ASB14: variants seen among roughly 807,000 people sequenced by gnomAD.
ASB14 encodes ankyrin repeat and SOCS box containing 14.
In ASB14, 63 loss-of-function variants were observed where a neutral mutation model predicts 55.6. The observed-to-expected ratio is 1.13, with a 90% CI of 0.92 to 1.40. ASB14 has a LOEUF of 1.40. Among genes scored for constraint, ASB14 ranks in the 40% most tolerant of loss-of-function variants. ASB14 has a pLI of 0.00. For synonymous variants in ASB14, 256 were observed against 259.9 expected (o/e 0.98, Z 0.15); for missense variants, 724 against 710.4 (o/e 1.02, Z -0.22).
In ASB14 at chr3:57,291,855, A is replaced by G. The variant is rs1004976092; in HGVS notation, c.122+57T>C. 5 of 1,412,254 alleles carry G rather than the reference A, an allele frequency of 3.5e-6. No individual in the cohort carries two copies. The African/African-American group carries it at 7.1e-5, about 20-fold the overall frequency. 87.5% of individuals were successfully genotyped at this position (1,412,254 alleles called of 1,614,324 possible). ...CAACACTAGAGTTAAGCTAATGACA[A>G]GTGTCAGCTGTTGAATACAACACTT... is the stretch of plus-strand genomic sequence containing the variant. On this transcript the variant is annotated intron_variant, in intron 2 of 10. Transcript: ENST00000487349.
At chr3:57,273,339 G>C (rs1238993157) in intron 10 of ASB14, 6 of 152,632 alleles carry the variant, frequency 3.9e-5, no homozygotes, top group African/African-American at 1.4e-4. Flanking sequence ...TGGTATACAT[G>C]TGGGGTGGAG....
At position 57,289,687 on chromosome 3, in the gene ASB14, CTTTTTT is replaced by C. The variant is rs34419265; in HGVS notation, c.123-570_123-565del. Among the ~76,000 whole-genome samples the C allele has an allele frequency of 4.0e-5, 4 of 100,290 alleles. No homozygotes were observed. The East Asian group carries it at 1.1e-3, about 28-fold the overall frequency. 65.8% of individuals were successfully genotyped at this position (100,290 alleles called of 152,430 possible). On this transcript the variant is annotated intron_variant, in intron 2 of 10. Coordinates refer to ENST00000487349, the MANE Select transcript of ASB14 (RefSeq NM_001142733.3). The stretch of plus-strand genomic sequence containing the variant: ...CAAATAAGGATTGTCACCTTCCATT[CTTTTTT>C]TTTTTTTTTTTTTTTTTGAGATGGA...
At chr3:57,276,105 G>A (rs552211769) in intron 10 of ASB14, among the ~76,000 whole-genome samples, 4 of 152,060 alleles carry the variant, frequency 2.6e-5, no homozygotes, top group Admixed American at 2.0e-4. Context: ...GAGTTATCTT[G>A]ACTTGTCAGA....
intron 5 of ASB14, 51 bp from the exon 6 acceptor site, chr3:57,283,490 A>C: frequency 2.0e-6 from 3 of 1,507,392 alleles, no homozygotes; most frequent in Admixed American, 2.0e-5. Context: ...TTAAGCCCAA[A>C]GTAGCATATC....
At position 57,277,838 on chromosome 3, in the gene ASB14, A is replaced by C; in HGVS notation, c.1514T>G (p.Val505Gly). 4 of 1,613,842 alleles carry C rather than the reference A, an allele frequency of 2.5e-6. No individual in the cohort carries two copies. Among genetic ancestry groups the C allele is most frequent in the Non-Finnish European group, 3.4e-6 (4 of 1,179,758 alleles). ...AGCTTTCAACTTTGAACAGATCCGA[A>C]CTTGATCAACATAATCAAGCATCAC... is the stretch of plus-strand genomic sequence containing the variant. ...VRVMLDYVDQVRICSKLKAVL... is the reference protein window; with the variant it reads ...VRVMLDYVDQGRICSKLKAVL... The change falls in exon 9 of 11, where the codon GTT becomes GGT. Residue 505 changes from valine (V) to glycine (G), a missense_variant. Physicochemically the swap from Val to Gly is moderately radical, Grantham distance 109 (BLOSUM62 -3). Transcript: ENST00000487349.
At chr3:57,288,754 G>T (rs1016257082) in intron 3 of ASB14, among the ~76,000 whole-genome samples, 12 of 117,998 alleles carry the variant, frequency 1.0e-4, no homozygotes, top group African/African-American at 1.3e-4. Context: ...TCGCTCTGTT[G>T]CCCAGACTGG....
chr3:57,288,338 A>C (rs181655469), intron 3 of ASB14, 52 bp from the exon 4 acceptor site: 138 of 1,518,212 alleles, frequency 9.1e-5, no homozygotes, highest in Non-Finnish European at 8.0e-6. Context: ...CTTACAAGGA[A>C]GCCCATATTG....
chr3:57,284,090 G>A (rs1003029903), intron 5 of ASB14, among the ~76,000 whole-genome samples: 12 of 107,936 alleles, frequency 1.1e-4, no homozygotes, highest in African/African-American at 4.0e-4. Context: ...TGGGAACACT[G>A]TGTATGTGTG....
At chr3:57,272,175 A>G (rs912442976) in intron 10 of ASB14, 8 of 152,370 alleles carry the variant, frequency 5.3e-5, no homozygotes, top group Middle Eastern at 3.4e-3. Context: ...TACTTCTACA[A>G]TGCATTCTGT....
At chr3:57,291,057 C>A (rs1431635907) in intron 2 of ASB14, among the ~76,000 whole-genome samples, 1 of 152,060 alleles carries the variant, frequency 6.6e-6, no homozygotes, top group Non-Finnish European at 1.5e-5. Context: ...TAGGACCTAC[C>A]TCATAGAGAG....
chr3:57,283,163 G>C (rs2061051958), intron 6 of ASB14, 31 bp downstream of exon 6: 1 of 1,550,976 alleles, frequency 6.4e-7, no homozygotes, highest in Non-Finnish European at 8.7e-7. Flanking sequence ...GTTACCCTTT[G>C]TTAGTGTGCT....
chr3:57,274,651 C>T (rs1466578233), intron 10 of ASB14, among the ~76,000 whole-genome samples: 1 of 152,210 alleles, frequency 6.6e-6, no homozygotes, highest in African/African-American at 2.4e-5. Context: ...TGCACCACCA[C>T]ACTCCAGCCT....
chr3:57,288,221 C>T lies in ASB14; in HGVS notation c.244G>A (p.Gly82Ser), dbSNP rs763375126. 47 of 1,536,478 alleles carry T rather than the reference C, an allele frequency of 3.1e-5. 1 individual carries two copies. Among genetic ancestry groups the T allele is most frequent in the Admixed American group, 5.9e-5 (3 of 50,980 alleles). ...GCAGCCTTATGCAGAGGAATCCAGC[C>T]TATCTCATCTGCTTCACCAAATGCG... ...HSAFGEADEI[G>S]WIPLHKAAVQ... Residue 82 changes from glycine (G) to serine (S), a missense_variant, in exon 4 of 11, where the codon GGC becomes AGC. Transcript: ENST00000487349.
chr3:57,274,558 A>T (rs1299853468), intron 10 of ASB14, among the ~76,000 whole-genome samples: 5 of 151,812 alleles, frequency 3.3e-5, no homozygotes, highest in Non-Finnish European at 5.9e-5. Flanking sequence ...GTGGTGGCAC[A>T]CTCTTGTGAT....
At chr3:57,275,552 A>G (rs1047147975) in intron 10 of ASB14, among the ~76,000 whole-genome samples, 1 of 151,996 alleles carries the variant, frequency 6.6e-6, no homozygotes, top group African/African-American at 2.4e-5. Context: ...GAAGTCTCTC[A>G]CCATCCTGCC....
At chr3:57,280,998 G>C (rs965102948) in intron 6 of ASB14, among the ~76,000 whole-genome samples, 1 of 152,176 alleles carries the variant, frequency 6.6e-6, no homozygotes, top group African/African-American at 2.4e-5. Context: ...AGTTGTTGTA[G>C]TTATTAGTAC....
Position 57,276,535 on chromosome 3 carries a change from A to G in ASB14, c.*15T>C. ...ACAGCTGCAAAATTATACCTTTTCC[A>G]TTAGAATGGTTTGATTACCAGGTTC... On this transcript the variant is annotated 3_prime_UTR_variant, in exon 10 of 11. Coordinates refer to ENST00000487349, the MANE Select transcript of ASB14 (RefSeq NM_001142733.3). 3.8e-6 allele frequency: 6 copies of G among 1,590,094 alleles called. No individual in the cohort carries two copies. Among genetic ancestry groups the G allele is most frequent in the Non-Finnish European group, 5.2e-6 (6 of 1,163,832 alleles).
chr3:57,290,269 T>G (rs540958404), intron 2 of ASB14, among the ~76,000 whole-genome samples: 1 of 152,310 alleles, frequency 6.6e-6, no homozygotes, highest in African/African-American at 2.4e-5. Flanking sequence ...ATCTCTGCCT[T>G]TTCTAGCTTC....
At chr3:57,280,264 CTG>C in intron 7 of ASB14, 36 bp downstream of exon 7, 1 of 1,320,014 alleles carries the variant, frequency 7.6e-7, no homozygotes, top group Non-Finnish European at 1.0e-6. Context: ...GTAGCTATTA[CTG>C]TTTTTATTAT....
Sources: gnomAD v4.1 joint callset for allele counts (sites outside exome capture counted in the v4.1 genomes callset) on GRCh38, gnomAD v4.1.1 for gene constraint, MANE v1.5 for transcripts, NCBI Gene and HGNC (gene_info 2026-07-23, HGNC 2026-07-21) for gene names.